Variants in IGF2BP3 observed in about 807,000 individuals in gnomAD.
IGF2BP3 encodes insulin like growth factor 2 mRNA binding protein 3, also known as insulin-like growth factor 2 mRNA-binding protein 3.
IGF2BP3 carries 9 observed loss-of-function variants against 73.8 expected under a neutral mutation model. The observed-to-expected ratio is 0.12, with a 90% CI of 0.07 to 0.21. The LOEUF is 0.21. Ranked by LOEUF, IGF2BP3 falls within the 10% of genes least tolerant of loss-of-function variation. The pLI is 1.00. For missense variants in IGF2BP3, 542 were observed against 714.0 expected (o/e 0.76, Z 2.75); for synonymous variants, 258 against 256.7 (o/e 1.01, Z -0.05).
chr7:23,421,861 T>C (rs1025929302), intron 2 of IGF2BP3, among the ~76,000 whole-genome samples: 1 of 152,098 alleles, frequency 6.6e-6, no homozygotes, highest in Admixed American at 6.6e-5. Context: ...CTTAGCTCAC[T>C]GCAACCTCCG....
At chr7:23,436,535 C>T (rs766205127) in intron 2 of IGF2BP3, among the ~76,000 whole-genome samples, 8 of 152,084 alleles carry the variant, frequency 5.3e-5, no homozygotes, top group African/African-American at 9.7e-5. Context: ...AAGTCACCAT[C>T]GACACAAATG....
At chr7:23,466,733 C>A in intron 2 of IGF2BP3, among the ~76,000 whole-genome samples, 1 of 152,196 alleles carries the variant, frequency 6.6e-6, no homozygotes, top group East Asian at 1.9e-4. Flanking sequence ...TAATCCCCTA[C>A]ACCTGGGGAG....
At chr7:23,317,813 A>T in intron 11 of IGF2BP3, 100 bp from the exon 12 acceptor site, 1 of 953,984 alleles carries the variant, frequency 1.0e-6, no homozygotes, top group Non-Finnish European at 1.7e-6. Context: ...GCTGAAATGC[A>T]GAATTAAAGC....
Position 23,372,365 on chromosome 7 carries a change from G to A in IGF2BP3, c.286-10624C>T, listed in dbSNP as rs900856847. Among the ~76,000 whole-genome samples the A allele has an allele frequency of 2.6e-5, 4 of 152,156 alleles. No individual in the cohort carries two copies. The South Asian group carries it at 8.3e-4, about 32-fold the overall frequency. Reference sequence around the variant, plus strand: ...TGGGATTACAGGTGTGAGCCACTGTGTCTGGCTTACGTGAATAAGTTCTTT... The same window carrying A: ...TGGGATTACAGGTGTGAGCCACTGTATCTGGCTTACGTGAATAAGTTCTTT... On this transcript the variant is annotated intron_variant, in intron 3 of 14. Coordinates refer to ENST00000258729, the MANE Select transcript of IGF2BP3 (RefSeq NM_006547.3).
chr7:23,332,931 G>A (rs1784478913), intron 10 of IGF2BP3, among the ~76,000 whole-genome samples: 1 of 152,124 alleles, frequency 6.6e-6, no homozygotes, highest in African/African-American at 2.4e-5. Flanking sequence ...ATGTTCTTCT[G>A]AACAATATAC....
At chr7:23,377,389 A>C (rs1165091988) in intron 3 of IGF2BP3, among the ~76,000 whole-genome samples, 1 of 152,256 alleles carries the variant, frequency 6.6e-6, no homozygotes, top group East Asian at 1.9e-4. Flanking sequence ...CGACATCATT[A>C]GTCAGTAGGG....
At chr7:23,354,784 A>G (rs969594565) in intron 5 of IGF2BP3, among the ~76,000 whole-genome samples, 2 of 152,220 alleles carry the variant, frequency 1.3e-5, no homozygotes, top group African/African-American at 4.8e-5. Flanking sequence ...CAATGGCTCC[A>G]AACTCAGGCT....
chr7:23,365,687 T>C (rs1785351455), intron 3 of IGF2BP3: 1 of 152,192 alleles, frequency 6.6e-6, no homozygotes, highest in Admixed American at 6.6e-5. Flanking sequence ...GACCTGAGAA[T>C]GCATCATCAT....
At chr7:23,429,658 G>T (rs905467890) in intron 2 of IGF2BP3, among the ~76,000 whole-genome samples, 1 of 152,006 alleles carries the variant, frequency 6.6e-6, no homozygotes, top group Non-Finnish European at 1.5e-5. Context: ...TACATATGGC[G>T]ACTCAATATT....
chr7:23,451,326 G>A (rs1316398387), intron 2 of IGF2BP3, among the ~76,000 whole-genome samples: 1 of 152,214 alleles, frequency 6.6e-6, no homozygotes, highest in Non-Finnish European at 1.5e-5. Context: ...GCTGAGGCAG[G>A]AGAATCGCTT....
intron 3 of IGF2BP3, among the ~76,000 whole-genome samples, chr7:23,399,922 T>C (rs1786605494): frequency 6.6e-6 from 1 of 152,178 alleles, no homozygotes; most frequent in South Asian, 2.1e-4. Context: ...ATCACATTTC[T>C]ACACCATCTC....
chr7:23,411,443 G>T (rs906869696), intron 3 of IGF2BP3, among the ~76,000 whole-genome samples: 1 of 152,046 alleles, frequency 6.6e-6, no homozygotes, highest in Non-Finnish European at 1.5e-5. Flanking sequence ...TTATCCGGGC[G>T]TGGTGGCACA....
intron 9 of IGF2BP3, among the ~76,000 whole-genome samples, chr7:23,342,690 C>T (rs1222373863): frequency 6.6e-6 from 1 of 152,066 alleles, no homozygotes. Context: ...GTAACTACTG[C>T]AAGTAAACAT....
intron 1 of IGF2BP3, among the ~76,000 whole-genome samples, chr7:23,468,885 C>T (rs982440766): frequency 6.6e-6 from 1 of 152,228 alleles, no homozygotes; most frequent in African/African-American, 2.4e-5. Context: ...CTCCACAGGG[C>T]AGACTCGGGG....
chr7:23,414,009 G>C (rs1787112294), intron 3 of IGF2BP3: 1 of 152,164 alleles, frequency 6.6e-6, no homozygotes, highest in Admixed American at 6.6e-5. Context: ...AATTAGCTGG[G>C]CATGGTGGCG....
At chr7:23,390,004 C>A (rs559321572) in intron 3 of IGF2BP3, among the ~76,000 whole-genome samples, 1 of 152,132 alleles carries the variant, frequency 6.6e-6, no homozygotes, top group East Asian at 1.9e-4. Context: ...ACCCCTTTGA[C>A]TATTGGTCAA....
intron 2 of IGF2BP3, among the ~76,000 whole-genome samples, chr7:23,457,991 G>C (rs778927983): frequency 5.9e-5 from 9 of 152,140 alleles, no homozygotes; most frequent in Non-Finnish European, 8.8e-5. Flanking sequence ...AGAGAACAAA[G>C]ATCTTCCATG....
rs567202301 is a variant in IGF2BP3 at position 23,349,168 on chromosome 7, A to G, written c.684-1434T>C. Among the ~76,000 whole-genome samples, 3 of 152,328 alleles carry G rather than the reference A, an allele frequency of 2.0e-5. No individual in the cohort carries two copies. In the East Asian group the frequency reaches 5.8e-4, roughly 29 times the overall value. On this transcript the variant is annotated intron_variant, in intron 6 of 14. Transcript: ENST00000258729. The stretch of plus-strand genomic sequence containing the variant: ...TACAAGAAAGAAAATTAGCTACTCA[A>G]AAATATGTGTTTTTGGGAAAATTAA...
chr7:23,462,062 C>A (rs1788461330), intron 2 of IGF2BP3, among the ~76,000 whole-genome samples: 1 of 152,202 alleles, frequency 6.6e-6, no homozygotes. Flanking sequence ...AGAAAGGTTA[C>A]AAGGACGGCC....
Sources: allele counts gnomAD v4.1 joint callset (sites outside exome capture counted in the v4.1 genomes callset), GRCh38; gene constraint gnomAD v4.1.1; transcripts MANE v1.5; gene names NCBI Gene and HGNC (gene_info 2026-07-23, HGNC 2026-07-21).